IGSF10: variants seen among roughly 807,000 people sequenced by gnomAD.
IGSF10 encodes the protein immunoglobulin superfamily member 10, also known as calvaria mechanical force protein 608.
A neutral mutation model predicts 128.2 loss-of-function variants in IGSF10; 126 were observed. The ratio of observed to expected loss-of-function variants is 0.98; its 90% CI spans 0.85 to 1.14. The LOEUF (loss-of-function observed/expected upper bound fraction) is 1.14. Among genes scored for constraint, IGSF10 ranks in the 50% most tolerant of loss-of-function variants. IGSF10 has a pLI of 0.00. For missense variants in IGSF10, 3,295 were observed against 3,149.8 expected, an observed-to-expected ratio of 1.05 and a Z score of -1.10; for synonymous variants, 1,185 against 1,146.2, an observed-to-expected ratio of 1.03 and a Z score of -0.68.
At chr3:151,568,241 T>C in the IGSF10 span, among the ~76,000 whole-genome samples, 1 of 152,196 alleles carries the variant, frequency 6.6e-6, no homozygotes, top group Non-Finnish European at 1.5e-5. Context: ...TTTCTAAGCA[T>C]ATGTTTGGTA....
At chr3:151,457,581 G>A (rs1721853924) in intron 3 of IGSF10, among the ~76,000 whole-genome samples, 1 of 152,152 alleles carries the variant, frequency 6.6e-6, no homozygotes, top group Non-Finnish European at 1.5e-5. Context: ...CCAGGCTTGG[G>A]CGTCTCGTTT....
chr3:151,550,180 A>T, the IGSF10 span, among the ~76,000 whole-genome samples: 13 of 152,322 alleles, frequency 8.5e-5, no homozygotes, highest in South Asian at 1.0e-3. Context: ...ATGAATCATC[A>T]TGGAATTGTA....
At chr3:151,452,598 G>A (rs1280758594) in intron 5 of IGSF10, among the ~76,000 whole-genome samples, 1 of 151,918 alleles carries the variant, frequency 6.6e-6, no homozygotes, top group East Asian at 1.9e-4. Flanking sequence ...ATGTGTGTGC[G>A]CATATGTATA....
chr3:151,461,205 C>A, upstream of IGSF10: 1 of 985,414 alleles, frequency 1.0e-6, no homozygotes, highest in Non-Finnish European at 1.2e-6. Context: ...CGTGGCTTCA[C>A]TCTTTAAATT....
In IGSF10 at chr3:151,446,742, GAC is replaced by G; in HGVS notation, c.3237_3238del (p.Leu1079PhefsTer14). 1 of 1,614,176 alleles carries G rather than the reference GAC, an allele frequency of 6.2e-7. No individual in the cohort carries two copies. ...GGTGATGGGAGCAGCACTTGGAAAAGACAATGCTGCTGTGGCAGTGGTGAGCC... is the reference window on the plus strand; with the variant it reads ...GGTGATGGGAGCAGCACTTGGAAAAGAATGCTGCTGTGGCAGTGGTGAGCC... On this transcript the variant is annotated frameshift_variant, in exon 6 of 8. Coordinates refer to ENST00000282466, the MANE Select transcript of IGSF10 (RefSeq NM_178822.5). LOFTEE classifies it high-confidence loss of function.
At chr3:151,602,024 AT>A in the IGSF10 span, among the ~76,000 whole-genome samples, 222 of 146,486 alleles carry the variant, frequency 1.5e-3, no homozygotes, top group Admixed American at 3.3e-3. Context: ...GCATCTTAAG[AT>A]TTTTTTTTTT....
rs1457403269 is a variant in IGSF10 at position 151,446,635 on chromosome 3, T to C, written c.3346A>G (p.Lys1116Glu). 1 of 1,613,990 alleles carries C rather than the reference T, an allele frequency of 6.2e-7. No individual in the cohort carries two copies. The highest frequency in any genetic ancestry group is 8.5e-7 in the Non-Finnish European group (1 of 1,180,020). The change falls in exon 6 of 8, where the codon AAA becomes GAA. Residue 1116 changes from lysine to glutamate, a missense_variant. Transcript: ENST00000282466. ...GGTGTTGTTTTCTCTACACTGGGTT[T>C]GTTCTCAAGTAGTAATAGTGGATTC... ...VQNPLLLLEN[K>E]PSVEKTTPTI... is the part of the protein sequence containing the mutation.
rs1199384504 is a variant in IGSF10 at position 151,449,027 on chromosome 3, C to G, written c.954G>C (p.Leu318Phe). Residue 318 changes from leucine to phenylalanine, a missense_variant, in exon 6 of 8, where the codon TTG (leucine) becomes TTC (phenylalanine). Coordinates refer to ENST00000282466, the MANE Select transcript of IGSF10 (RefSeq NM_178822.5). ...CATTTCCAGACTGATCTGTCATATT[C>G]AAAGTGAGGGAGCCAAAGGGTGCCA... is the stretch of plus-strand genomic sequence containing the variant. The part of the protein sequence containing the change: ...GFMAPFGSLT[L>F]NMTDQSGNEA... 4.3e-6 allele frequency: 7 copies of G among 1,614,150 alleles called. No individual in the cohort carries two copies. The highest frequency in any genetic ancestry group is 3.3e-4 in the Middle Eastern group (2 of 6,062).
chr3:151,481,833 A>G, the IGSF10 span, among the ~76,000 whole-genome samples: 1 of 152,118 alleles, frequency 6.6e-6, no homozygotes, highest in Non-Finnish European at 1.5e-5. Context: ...CTGTTAACTA[A>G]AGAGGATTCT....
the IGSF10 span, among the ~76,000 whole-genome samples, chr3:151,529,704 G>T: frequency 6.6e-6 from 1 of 152,068 alleles, no homozygotes; most frequent in Non-Finnish European, 1.5e-5. Context: ...ACATCCAAAG[G>T]TTACCAACAT....
chr3:151,528,644 CTG>C, the IGSF10 span, among the ~76,000 whole-genome samples: 3 of 152,224 alleles, frequency 2.0e-5, no homozygotes, highest in African/African-American at 7.2e-5. Flanking sequence ...CCATGAGAGA[CTG>C]TACCGGGAGG....
the IGSF10 span, among the ~76,000 whole-genome samples, chr3:151,518,692 G>C: frequency 1.3e-5 from 2 of 151,912 alleles, no homozygotes; most frequent in Non-Finnish European, 2.9e-5. Context: ...TTAAAATGTT[G>C]TATTGAGTTT....
the IGSF10 span, among the ~76,000 whole-genome samples, chr3:151,494,154 T>A: frequency 1.3e-5 from 2 of 152,118 alleles, no homozygotes; most frequent in African/African-American, 4.8e-5. Flanking sequence ...AAATACCTTT[T>A]AAAATTTTAT....
the IGSF10 span, among the ~76,000 whole-genome samples, chr3:151,516,556 G>T: frequency 2.0e-5 from 3 of 152,150 alleles, no homozygotes; most frequent in African/African-American, 7.2e-5. Flanking sequence ...CTCATAATCA[G>T]TCAGAAGCAG....
At chr3:151,434,860 T>A (rs1208803575), downstream of IGSF10, 1 of 152,252 alleles carries the variant, frequency 6.6e-6, no homozygotes, top group African/African-American at 2.4e-5. Context: ...GTTAAATTAT[T>A]AATCATTTTG....
At chr3:151,592,241 C>T in the IGSF10 span, among the ~76,000 whole-genome samples, 1 of 38,478 alleles carries the variant, frequency 2.6e-5, no homozygotes, top group African/African-American at 7.4e-5. Flanking sequence ...CACACACACA[C>T]ACACACACAC....
the IGSF10 span, among the ~76,000 whole-genome samples, chr3:151,480,159 C>G: frequency 2.0e-5 from 3 of 152,246 alleles, no homozygotes; most frequent in East Asian, 5.8e-4. Context: ...ATCCTCCCGC[C>G]AAACAGCAAA....
At chr3:151,547,731 T>A in the IGSF10 span, among the ~76,000 whole-genome samples, 12 of 152,170 alleles carry the variant, frequency 7.9e-5, no homozygotes, top group Non-Finnish European at 1.8e-4. Context: ...CATCAGTAAC[T>A]TTATGAGAAA....
the IGSF10 span, among the ~76,000 whole-genome samples, chr3:151,602,075 G>A: frequency 1.1e-4 from 16 of 152,020 alleles, no homozygotes; most frequent in Admixed American, 1.0e-3. Flanking sequence ...CTCTTAAAAG[G>A]AAAACAAAGC....
Sources: gnomAD v4.1 joint callset for allele counts (sites outside exome capture counted in the v4.1 genomes callset) on GRCh38, gnomAD v4.1.1 for gene constraint, MANE v1.5 for transcripts, NCBI Gene and HGNC (gene_info 2026-07-23, HGNC 2026-07-21) for gene names.